Variants in IPO5 observed in about 807,000 individuals in gnomAD.
IPO5 encodes importin-5.
IPO5 carries 18 observed loss-of-function variants against 143.3 expected under a neutral mutation model. The observed-to-expected ratio is 0.13, with a 90% CI of 0.09 to 0.19. IPO5 has a LOEUF of 0.19. Ranked by LOEUF, IPO5 falls within the 10% of genes least tolerant of loss-of-function variation. The pLI, the probability that IPO5 is intolerant of heterozygous loss-of-function variation, is 1.00. For synonymous variants in IPO5, 477 were observed against 465.7 expected (o/e 1.02, Z -0.31); for missense variants, 1,013 against 1,336.9 (o/e 0.76, Z 3.78).
intron 6 of IPO5, among the ~76,000 whole-genome samples, chr13:97,987,565 G>A (rs1464958996): frequency 6.6e-6 from 1 of 152,112 alleles, no homozygotes; most frequent in Non-Finnish European, 1.5e-5. Flanking sequence ...TGTTGCCCAG[G>A]CTTGAGTACA....
At chr13:97,956,871 A>T (rs1193539786) in intron 2 of IPO5, among the ~76,000 whole-genome samples, 1 of 152,152 alleles carries the variant, frequency 6.6e-6, no homozygotes, top group Non-Finnish European at 1.5e-5. Context: ...CAAATACCAA[A>T]ATTCCTATTT....
intron 3 of IPO5, among the ~76,000 whole-genome samples, chr13:97,973,911 T>G (rs1886044675): frequency 6.6e-6 from 1 of 151,552 alleles, no homozygotes; most frequent in Non-Finnish European, 1.5e-5. Context: ...CTACCAAAAC[T>G]GGAAACATTA....
chr13:97,989,121 T>C lies in IPO5; in HGVS notation c.424T>C (p.Ser142Pro). ...GLKFLFDSVS[S>P]QNVGLREAAL... ...GAAGTTCCTTTTTGATTCAGTCAGCTCTCAAAATGTGGGACTGCGGGAAGC... is the reference window on the plus strand; with the variant it reads ...GAAGTTCCTTTTTGATTCAGTCAGCCCTCAAAATGTGGGACTGCGGGAAGC... The change falls in exon 7 of 29, where the codon TCT (serine) becomes CCT (proline). Residue 142 changes from serine (S) to proline (P), a missense_variant. Physicochemically the swap from Ser to Pro is moderately conservative, Grantham distance 74. Transcript: ENST00000651721. 6.2e-7 allele frequency: 1 copy of C among 1,613,610 alleles called. No individual in the cohort carries two copies. The highest frequency in any genetic ancestry group is 8.5e-7 in the Non-Finnish European group (1 of 1,179,548).
intron 13 of IPO5, among the ~76,000 whole-genome samples, chr13:98,001,182 T>C (rs1197745000): frequency 1.3e-5 from 2 of 152,194 alleles, no homozygotes; most frequent in Non-Finnish European, 2.9e-5. Context: ...CCATCCTTCC[T>C]TTTTATTTCT....
chr13:98,006,900 C>CT (rs1223701955), intron 17 of IPO5, among the ~76,000 whole-genome samples: 2 of 141,614 alleles, frequency 1.4e-5, no homozygotes, highest in African/African-American at 5.3e-5. Flanking sequence ...AAGTCTCACT[C>CT]TATCACCCAG....
At chr13:97,980,055 G>T (rs2139625427) in intron 4 of IPO5, 2 of 403,210 alleles carry the variant, frequency 5.0e-6, no homozygotes, top group South Asian at 1.8e-5. Context: ...ATTGTATAAG[G>T]TGGAATCAAA....
intron 21 of IPO5, 25 bp downstream of exon 21, chr13:98,012,367 A>C: frequency 7.8e-7 from 1 of 1,290,270 alleles, no homozygotes; most frequent in Non-Finnish European, 1.1e-6. Context: ...CTGAATACAA[A>C]ACATGTCTAG....
At position 97,989,162 on chromosome 13, in the gene IPO5, C is replaced by A; in HGVS notation, c.465C>A (p.Phe155Leu). 1.3e-6 allele frequency: 2 copies of A among 1,562,664 alleles called. No individual in the cohort carries two copies. The highest frequency in any genetic ancestry group is 8.8e-7 in the Non-Finnish European group (1 of 1,133,544). ...VGLREAALHI[F>L]WNFPGIFGNQ... The stretch of plus-strand genomic sequence containing the variant: ...TGCGGGAAGCTGCCCTTCACATTTT[C>A]TGGTATATACATTAATCTAGTTTTT... Residue 155 changes from phenylalanine (F) to leucine (L), a missense_variant and splice_region_variant, in exon 7 of 29, where the codon TTC becomes TTA. Physicochemically the swap from Phe to Leu is conservative, Grantham distance 22. Coordinates refer to ENST00000651721, the MANE Select transcript of IPO5 (RefSeq NM_002271.6).
Position 98,012,256 on chromosome 13 carries a change from C to A in IPO5, c.2066C>A (p.Ala689Asp). The A allele has an allele frequency of 6.2e-7, 1 of 1,603,024 alleles. No individual in the cohort carries two copies. Among genetic ancestry groups the A allele is most frequent in the Non-Finnish European group, 8.5e-7 (1 of 1,169,946 alleles). The change falls in exon 21 of 29, where the codon GCT (alanine) becomes GAT (aspartate). Residue 689 changes from alanine (A) to aspartate (D), a missense_variant. Coordinates refer to ENST00000651721, the MANE Select transcript of IPO5 (RefSeq NM_002271.6). ...STACQMLVCY[A>D]KELKEGFVEY... The stretch of plus-strand genomic sequence containing the variant: ...ATACTTTGGTTACAGGTTTGCTATG[C>A]TAAGGAGTTAAAGGAAGGCTTTGTG...
chr13:98,015,646 G>C lies in IPO5; in HGVS notation c.2437+5G>C. The C allele has an allele frequency of 1.3e-6, 2 of 1,595,114 alleles. No individual in the cohort carries two copies. Among genetic ancestry groups the C allele is most frequent in the Non-Finnish European group, 1.7e-6 (2 of 1,165,852 alleles). Reference sequence around the variant, plus strand: ...AAAATCAAGAATTACGACAAGGTAAGTTTTCCATGCTTTTATTTCTGAATA... The same window carrying C: ...AAAATCAAGAATTACGACAAGGTAACTTTTCCATGCTTTTATTTCTGAATA... On this transcript the variant is annotated splice_donor_5th_base_variant and intron_variant, in intron 23 of 28. Transcript: ENST00000651721.
In IPO5 at chr13:97,989,215, A is replaced by G. The variant is rs376713063; in HGVS notation, c.467+51A>G. On this transcript the variant is annotated intron_variant, in intron 7 of 28. Transcript: ENST00000651721. ...AGACATTTGATTTAATGAATGCCCT[A>G]AACACCTTTTAACTGATTATTTTAG... The G allele has an allele frequency of 1.1e-5, 11 of 977,204 alleles. No individual in the cohort carries two copies. In the African/African-American group the frequency reaches 1.8e-4, roughly 16 times the overall value. 60.5% of individuals were successfully genotyped at this position (977,204 alleles called of 1,614,324 possible).
intron 2 of IPO5, among the ~76,000 whole-genome samples, chr13:97,964,310 G>A (rs1279344482): frequency 1.3e-5 from 2 of 151,900 alleles, no homozygotes; most frequent in East Asian, 3.9e-4. Context: ...TTTCTTCTAG[G>A]GTTTTCATGA....
chr13:97,969,175 ATTTTTT>A (rs60300496), intron 2 of IPO5, among the ~76,000 whole-genome samples: 2 of 43,896 alleles, frequency 4.6e-5, no homozygotes, highest in Non-Finnish European at 4.0e-5. Flanking sequence ...ATATATATAT[ATTTTTT>A]TTTTTTTTTT....
chr13:97,996,870 G>A (rs569108949), intron 11 of IPO5, among the ~76,000 whole-genome samples: 11 of 152,122 alleles, frequency 7.2e-5, no homozygotes, highest in Non-Finnish European at 1.5e-4. Context: ...GGGATTACAG[G>A]CATAAGCCAC....
intron 2 of IPO5, among the ~76,000 whole-genome samples, chr13:97,957,962 G>A (rs2080805129): frequency 6.6e-6 from 1 of 152,062 alleles, no homozygotes; most frequent in Admixed American, 6.6e-5. Context: ...TCCAGCCTGG[G>A]TGACAGAGTG....
Position 98,023,907 on chromosome 13 carries a change from A to G in IPO5, c.*2085A>G, listed in dbSNP as rs1890630851. On this transcript the variant is annotated 3_prime_UTR_variant, in exon 29 of 29. Transcript: ENST00000651721. ...TACCATGAACTAACAATTCTTTGAA[A>G]GGACCTGCAGAAGCATTTTTAATAC... 1 of 152,248 alleles carries G rather than the reference A, an allele frequency of 6.6e-6. No individual in the cohort carries two copies. The highest frequency in any genetic ancestry group is 1.5e-5 in the Non-Finnish European group (1 of 68,046). 9.4% of individuals were successfully genotyped at this position (152,248 alleles called of 1,614,324 possible).
intron 2 of IPO5, among the ~76,000 whole-genome samples, chr13:97,967,296 G>A (rs1228252554): frequency 6.6e-6 from 1 of 151,884 alleles, no homozygotes; most frequent in East Asian, 1.9e-4. Flanking sequence ...TTCCTGGTCA[G>A]TACAGCCAAA....
chr13:98,009,046 G>A (rs892464996), intron 18 of IPO5, among the ~76,000 whole-genome samples: 1 of 152,224 alleles, frequency 6.6e-6, no homozygotes, highest in African/African-American at 2.4e-5. Flanking sequence ...TGACAGTAGG[G>A]AGACTGAGGG....
chr13:97,955,989 G>A (rs1884426092), intron 2 of IPO5, among the ~76,000 whole-genome samples: 1 of 152,012 alleles, frequency 6.6e-6, no homozygotes, highest in Admixed American at 6.6e-5. Flanking sequence ...AAAATTAGCC[G>A]GGCGTGGTGG....
Sources: gnomAD v4.1 joint callset for allele counts (sites outside exome capture counted in the v4.1 genomes callset) on GRCh38, gnomAD v4.1.1 for gene constraint, MANE v1.5 for transcripts, NCBI Gene and HGNC (gene_info 2026-07-23, HGNC 2026-07-21) for gene names.